Variants in SYT15B observed in about 807,000 individuals in gnomAD.
SYT15B encodes synaptotagmin 15B.
the SYT15B span, among the ~76,000 whole-genome samples, chr10:47,747,282 A>G: frequency 1.3e-5 from 2 of 152,094 alleles, no homozygotes; most frequent in African/African-American, 2.4e-5. Flanking sequence ...GGGCCAAGAT[A>G]TCATGTAGAA....
chr10:47,762,896 G>T, the SYT15B span: 18 of 1,427,008 alleles, frequency 1.3e-5, no homozygotes, highest in Admixed American at 4.1e-4. Context: ...AGAGCCGACC[G>T]TGAGCTCCCG....
chr10:47,762,176 G>A, the SYT15B span, among the ~76,000 whole-genome samples: 2 of 151,256 alleles, frequency 1.3e-5, no homozygotes. Flanking sequence ...CCTCTATCAA[G>A]GTGAGCACGC....
chr10:47,761,126 A>ACG, the SYT15B span, among the ~76,000 whole-genome samples: 8 of 150,908 alleles, frequency 5.3e-5, no homozygotes, highest in Non-Finnish European at 1.0e-4. Context: ...ACACACACAC[A>ACG]CAGCAGTGGG....
At chr10:47,753,099 A>C in the SYT15B span, 4 of 973,352 alleles carry the variant, frequency 4.1e-6, no homozygotes, top group African/African-American at 5.4e-5. Context: ...CAAGAGGGAA[A>C]CTCTGTCTCA....
the SYT15B span, chr10:47,750,916 A>G: frequency 6.6e-6 from 1 of 151,280 alleles, no homozygotes; most frequent in Non-Finnish European, 1.5e-5. Flanking sequence ...TTGACATTCA[A>G]CAGTCAATTA....
At chr10:47,763,239 T>G in the SYT15B span, 1 of 985,618 alleles carries the variant, frequency 1.0e-6, no homozygotes, top group Non-Finnish European at 1.2e-6. Context: ...TGGGCAGGGA[T>G]GCGGCGCTCG....
chr10:47,745,668 T>C, the SYT15B span, among the ~76,000 whole-genome samples: 3 of 135,158 alleles, frequency 2.2e-5, no homozygotes, highest in African/African-American at 7.7e-5. Context: ...GGTTCCTCCT[T>C]GGTGACTGGA....
At chr10:47,756,940 A>C in the SYT15B span, among the ~76,000 whole-genome samples, 1 of 139,910 alleles carries the variant, frequency 7.1e-6, no homozygotes, top group African/African-American at 2.7e-5. Flanking sequence ...CTGCCTCGGG[A>C]AACAGGAGGG....
the SYT15B span, among the ~76,000 whole-genome samples, chr10:47,749,701 CAGAA>C: frequency 1.3e-5 from 2 of 150,656 alleles, no homozygotes; most frequent in South Asian, 2.1e-4. Flanking sequence ...AAAAAATAAT[CAGAA>C]AGAAAGCAAC....
the SYT15B span, among the ~76,000 whole-genome samples, chr10:47,762,151 G>A: frequency 0.012 from 1,838 of 148,756 alleles, 24 homozygotes; most frequent in African/African-American, 0.042. Context: ...TCTAACACCC[G>A]CTCCCTCCCC....
At chr10:47,762,356 G>T in the SYT15B span, among the ~76,000 whole-genome samples, 1 of 143,234 alleles carries the variant, frequency 7.0e-6, no homozygotes, top group Non-Finnish European at 1.5e-5. Context: ...GGCCAAAAAG[G>T]TGCCTCCCTT....
the SYT15B span, among the ~76,000 whole-genome samples, chr10:47,745,621 A>G: frequency 8.2e-6 from 1 of 121,644 alleles, no homozygotes; most frequent in African/African-American, 2.8e-5. Flanking sequence ...TTTGGCAACA[A>G]TGGCATCGAG....
chr10:47,745,503 G>A, the SYT15B span, among the ~76,000 whole-genome samples: 9 of 110,504 alleles, frequency 8.1e-5, no homozygotes, highest in African/African-American at 2.7e-4. Flanking sequence ...CAGGATGCTC[G>A]AGACTCTTGC....
chr10:47,761,222 G>T, the SYT15B span, among the ~76,000 whole-genome samples: 307 of 148,796 alleles, frequency 2.1e-3, 1 homozygote, highest in Non-Finnish European at 3.3e-3. Flanking sequence ...GTGTTCTCTG[G>T]ACCTGTTGCT....
the SYT15B span, among the ~76,000 whole-genome samples, chr10:47,762,315 G>C: frequency 4.7e-5 from 7 of 150,500 alleles, no homozygotes; most frequent in Non-Finnish European, 8.9e-5. Context: ...GTGCTCAGAC[G>C]CTGGGTTCCA....
At chr10:47,755,278 C>T in the SYT15B span, among the ~76,000 whole-genome samples, 5 of 146,364 alleles carry the variant, frequency 3.4e-5, no homozygotes, top group East Asian at 2.1e-4. Flanking sequence ...TTTTTTGAGA[C>T]GAAGTCTCGC....
chr10:47,748,714 C>T, the SYT15B span, among the ~76,000 whole-genome samples: 2 of 150,090 alleles, frequency 1.3e-5, no homozygotes, highest in Non-Finnish European at 3.0e-5. Context: ...TGGTTTTGAA[C>T]TCCTGGGCTC....
At chr10:47,757,469 A>G in the SYT15B span, 1 of 256,692 alleles carries the variant, frequency 3.9e-6, no homozygotes, top group South Asian at 5.5e-5. Flanking sequence ...TTCCACTGCC[A>G]TTTTAAGGAT....
the SYT15B span, among the ~76,000 whole-genome samples, chr10:47,756,582 G>A: frequency 6.7e-6 from 1 of 149,894 alleles, no homozygotes; most frequent in African/African-American, 2.4e-5. Flanking sequence ...TGTACAGAGG[G>A]CTAAGATTTG....
Sources: gnomAD v4.1 joint callset for allele counts (sites outside exome capture counted in the v4.1 genomes callset) on GRCh38, gnomAD v4.1.1 for gene constraint, MANE v1.5 for transcripts, NCBI Gene and HGNC (gene_info 2026-07-23, HGNC 2026-07-21) for gene names.